Variants in FOXJ3 observed in about 807,000 individuals in gnomAD.
The protein encoded by FOXJ3 is forkhead box J3.
In FOXJ3, 22 loss-of-function variants were observed where a neutral mutation model predicts 76.1. That is an observed-to-expected ratio of 0.29 (90% CI 0.21 to 0.41). FOXJ3 has a LOEUF of 0.41. FOXJ3 is among the 10% of genes least tolerant of loss of function. The pLI is 1.00. For missense variants in FOXJ3, 613 were observed against 762.1 expected (o/e 0.80, Z 2.30); for synonymous variants, 269 against 261.2 (o/e 1.03, Z -0.29).
chr1:42,318,374 T>C (rs1655243442), intron 1 of FOXJ3, among the ~76,000 whole-genome samples: 1 of 152,204 alleles, frequency 6.6e-6, no homozygotes, highest in Non-Finnish European at 1.5e-5. Flanking sequence ...GGAGTTTCGC[T>C]CTTGTCACCC....
At chr1:42,240,370 T>C (rs757872830) in intron 4 of FOXJ3, among the ~76,000 whole-genome samples, 1 of 152,148 alleles carries the variant, frequency 6.6e-6, no homozygotes, top group Non-Finnish European at 1.5e-5. Context: ...AATCCTAAAA[T>C]ATATATTGTA....
chr1:42,236,119 C>T (rs564644437), intron 4 of FOXJ3, among the ~76,000 whole-genome samples: 71 of 152,330 alleles, frequency 4.7e-4, no homozygotes, highest in Non-Finnish European at 2.4e-4. Context: ...GTAGGATCTA[C>T]ACCACTAGAC....
At chr1:42,275,626 A>G (rs1253229002) in intron 3 of FOXJ3, among the ~76,000 whole-genome samples, 1 of 152,156 alleles carries the variant, frequency 6.6e-6, no homozygotes, top group Non-Finnish European at 1.5e-5. Flanking sequence ...CATACCACTG[A>G]ACTCCAGCCA....
chr1:42,219,973 C>T (rs1349982320), intron 5 of FOXJ3, among the ~76,000 whole-genome samples: 1 of 152,178 alleles, frequency 6.6e-6, no homozygotes, highest in Non-Finnish European at 1.5e-5. Context: ...CTACCACTGG[C>T]AACACCCCTA....
chr1:42,288,315 C>T (rs897919603), intron 2 of FOXJ3, among the ~76,000 whole-genome samples: 9 of 152,050 alleles, frequency 5.9e-5, no homozygotes, highest in African/African-American at 2.2e-4. Flanking sequence ...CAGTTTAGAA[C>T]ACACACACAC....
At chr1:42,322,770 A>G (rs1655507083) in intron 1 of FOXJ3, among the ~76,000 whole-genome samples, 2 of 152,146 alleles carry the variant, frequency 1.3e-5, no homozygotes, top group Non-Finnish European at 2.9e-5. Flanking sequence ...GTTGTAAATT[A>G]AGATGAGAAC....
intron 3 of FOXJ3, among the ~76,000 whole-genome samples, chr1:42,268,672 G>C (rs898186878): frequency 6.6e-6 from 1 of 152,170 alleles, no homozygotes; most frequent in Non-Finnish European, 1.5e-5. Flanking sequence ...AAAGGAACTG[G>C]AAAGACGTGG....
In FOXJ3 at chr1:42,265,130, CT is replaced by C; in HGVS notation, c.428del (p.Lys143ArgfsTer12). On this transcript the variant is annotated frameshift_variant, in exon 4 of 13. Transcript: ENST00000361346. LOFTEE classifies it high-confidence loss of function. The stretch of plus-strand genomic sequence containing the variant: ...TGAATCCTACCTTTCCAGGGTCATC[CT>C]TAGATCGAGGCACTTTAAGGAAACA... ...NKCFLKVPRS[K>X]DDPGKGSYWA... is the part of the protein sequence containing the mutation. 1 of 1,587,704 alleles carries C rather than the reference CT, an allele frequency of 6.3e-7. No homozygotes were observed. Among genetic ancestry groups the C allele is most frequent in the Non-Finnish European group, 8.6e-7 (1 of 1,157,256 alleles).
intron 4 of FOXJ3, chr1:42,264,906 CA>C (rs1431432101): frequency 2.1e-6 from 1 of 481,414 alleles, no homozygotes; most frequent in East Asian, 3.9e-5. Flanking sequence ...AGATTAGAAA[CA>C]GCAAAGTACA....
At chr1:42,207,699 A>C (rs1264135950) in intron 5 of FOXJ3, among the ~76,000 whole-genome samples, 1 of 152,216 alleles carries the variant, frequency 6.6e-6, no homozygotes, top group Non-Finnish European at 1.5e-5. Context: ...TTTTGAAATT[A>C]ATCTATCCTT....
chr1:42,198,818 A>G lies in FOXJ3; in HGVS notation c.759+284T>C, dbSNP rs539478400. Among the ~76,000 whole-genome samples, 11 of 152,280 alleles carry G rather than the reference A, an allele frequency of 7.2e-5. No homozygotes were observed. In the South Asian group the frequency reaches 2.3e-3, roughly 32 times the overall value. ...CTATTGCTCTACTAAACTAAAGTGC[A>G]ATTTTTTTCCTGTTCCAATTGCTTT... On this transcript the variant is annotated intron_variant, in intron 7 of 12. Coordinates refer to ENST00000361346, the MANE Select transcript of FOXJ3 (RefSeq NM_014947.5).
chr1:42,220,069 C>A (rs1232781067), intron 5 of FOXJ3, among the ~76,000 whole-genome samples: 2 of 152,192 alleles, frequency 1.3e-5, no homozygotes, highest in Admixed American at 1.3e-4. Context: ...TTTCAAAGTA[C>A]CTTACCTGGG....
At position 42,190,871 on chromosome 1, in the gene FOXJ3, C is replaced by A. The variant is rs76858475; in HGVS notation, c.1351+432G>T. On this transcript the variant is annotated intron_variant, in intron 9 of 12. Transcript: ENST00000361346. ...TAGCAAATGTCTGCTAATTTTAGTT[C>A]TTTTAGAATAACTGGTGTTATAAGC... 7.1e-3 allele frequency among the ~76,000 whole-genome samples: 1,082 copies of A among 152,270 alleles called. 21 individuals are homozygous for A. Among genetic ancestry groups the A allele is most frequent in the African/African-American group, 0.025 (1,045 of 41,542 alleles).
intron 4 of FOXJ3, among the ~76,000 whole-genome samples, chr1:42,235,282 T>C (rs922179478): frequency 4.6e-5 from 7 of 152,164 alleles, no homozygotes; most frequent in African/African-American, 1.4e-4. Context: ...AGTGACCCAA[T>C]TTTCCAGGTG....
chr1:42,196,430 C>T (rs1449404204), intron 7 of FOXJ3, among the ~76,000 whole-genome samples: 4 of 152,128 alleles, frequency 2.6e-5, no homozygotes, highest in Admixed American at 1.3e-4. Context: ...AGTGGCTCAA[C>T]GCCTATAATC....
intron 5 of FOXJ3, among the ~76,000 whole-genome samples, chr1:42,208,221 T>G (rs1301330218): frequency 6.6e-6 from 1 of 152,234 alleles, no homozygotes; most frequent in Non-Finnish European, 1.5e-5. Flanking sequence ...GCCACTATGA[T>G]GACCACTAGA....
intron 3 of FOXJ3, among the ~76,000 whole-genome samples, chr1:42,267,424 T>G (rs1474316415): frequency 6.6e-6 from 1 of 151,790 alleles, no homozygotes; most frequent in African/African-American, 2.4e-5. Flanking sequence ...AGACATAAAT[T>G]TTAAAAAAAT....
intron 1 of FOXJ3, among the ~76,000 whole-genome samples, chr1:42,318,646 G>A (rs1655260762): frequency 1.3e-5 from 2 of 152,110 alleles, no homozygotes; most frequent in South Asian, 2.1e-4. Flanking sequence ...CACTCAGCCG[G>A]GAAATACAAA....
chr1:42,283,631 G>A (rs1418114306), intron 2 of FOXJ3, among the ~76,000 whole-genome samples: 1 of 152,150 alleles, frequency 6.6e-6, no homozygotes, highest in Non-Finnish European at 1.5e-5. Context: ...CCCGGCACAT[G>A]GCATTTCATC....
Sources: allele counts gnomAD v4.1 joint callset (sites outside exome capture counted in the v4.1 genomes callset), GRCh38; gene constraint gnomAD v4.1.1; transcripts MANE v1.5; gene names NCBI Gene and HGNC (gene_info 2026-07-23, HGNC 2026-07-21).